The following NELFA variants were observed in gnomAD, a reference collection of about 807,000 sequenced individuals.
NELFA encodes the protein negative elongation factor complex member A.
Under a neutral mutation model 51.8 loss-of-function variants are expected in NELFA, and 35 were observed. The ratio of observed to expected loss-of-function variants is 0.68; its 90% CI spans 0.52 to 0.90. The LOEUF (loss-of-function observed/expected upper bound fraction) is 0.90. Ranked by LOEUF, NELFA falls within the 40% of genes least tolerant of loss-of-function variation. The pLI is 0.00. For missense variants in NELFA, 658 were observed against 746.4 expected (o/e 0.88, Z 1.38); for synonymous variants, 417 against 338.4 (o/e 1.23, Z -2.55).
intron 3 of NELFA, among the ~76,000 whole-genome samples, chr4:1,988,657 G>A (rs932173446): frequency 2.6e-5 from 4 of 152,266 alleles, no homozygotes; most frequent in African/African-American, 7.2e-5. Flanking sequence ...TGGAAACGGG[G>A]TATTGATGTA....
intron 1 of NELFA, chr4:2,008,019 G>A (rs1577634280): frequency 2.2e-6 from 1 of 456,890 alleles, no homozygotes; most frequent in African/African-American, 2.0e-5. Context: ...GAGTAAAACG[G>A]ACACAGAGCG....
intron 8 of NELFA, 126 bp from the exon 9 acceptor site, chr4:1,984,239 G>A: frequency 5.8e-6 from 7 of 1,212,538 alleles, no homozygotes; most frequent in South Asian, 1.7e-5. Flanking sequence ...AGAACTCCCT[G>A]TGGCCCCCAG....
At position 1,986,446 on chromosome 4, in the gene NELFA, AAACGTCCCCCACCCCGAGCTCAG is replaced by A. The variant is rs1297126627; in HGVS notation, c.635-67_635-45del. On this transcript the variant is annotated intron_variant, in intron 4 of 10. Coordinates refer to ENST00000382882, the MANE Select transcript of NELFA (RefSeq NM_005663.5). ...CAGGGCGCCAGCAGCAGTGACCGGC[AAACGTCCCCCACCCCGAGCTCAG>A]AACGTCCCACCCTCTTCTAGGCTAG... 5 of 1,600,202 alleles carry A rather than the reference AAACGTCCCCCACCCCGAGCTCAG, an allele frequency of 3.1e-6. No homozygotes were observed. In the East Asian group the frequency reaches 1.1e-4, roughly 36 times the overall value.
chr4:1,990,287 T>G (rs1464944052), intron 2 of NELFA: 2 of 415,348 alleles, frequency 4.8e-6, no homozygotes, highest in East Asian at 1.4e-4. Flanking sequence ...TGGTCTCTCC[T>G]GGAACCCTGG....
At position 1,985,773 on chromosome 4, in the gene NELFA, T is replaced by C; in HGVS notation, c.924+3A>G. The C allele has an allele frequency of 6.2e-7, 1 of 1,612,708 alleles. No individual in the cohort carries two copies. The highest frequency in any genetic ancestry group is 8.5e-7 in the Non-Finnish European group (1 of 1,179,498). Reference sequence around the variant, plus strand: ...AGACATGGGGTGCAGCCCCGAGCCCTACCTGCGTGGACACCAGGCCGGCTG... The same window carrying C: ...AGACATGGGGTGCAGCCCCGAGCCCCACCTGCGTGGACACCAGGCCGGCTG... On this transcript the variant is annotated splice_donor_region_variant and intron_variant, in intron 7 of 10. Coordinates refer to ENST00000382882, the MANE Select transcript of NELFA (RefSeq NM_005663.5).
At chr4:1,994,848 C>CAA (rs35875576) in intron 1 of NELFA, among the ~76,000 whole-genome samples, 8 of 81,838 alleles carry the variant, frequency 9.8e-5, no homozygotes, top group Admixed American at 1.2e-4. Flanking sequence ...GACTCCGTCT[C>CAA]AAAAAAAAAA....
chr4:1,997,156 C>T (rs1433711847), intron 1 of NELFA, among the ~76,000 whole-genome samples: 1 of 152,088 alleles, frequency 6.6e-6, no homozygotes, highest in African/African-American at 2.4e-5. Context: ...AAAATCAATA[C>T]TGAAAAATCC....
rs1025559077 is a variant in NELFA, at chr4:1,991,653, G to A, written c.273C>T (p.Leu91=). 1.2e-5 allele frequency: 19 copies of A among 1,613,766 alleles called. No homozygotes were observed. Among genetic ancestry groups the A allele is most frequent in the Non-Finnish European group, 1.6e-5 (19 of 1,179,966 alleles). ...LASLDSDPWV[L]MVADILKSFP... ...AGGACTTCAAGATGTCGGCGACCAT[G>A]AGCACCCAGGGGTCCGAGTCGAGGC... Residue 91 remains leucine, a synonymous_variant, in exon 2 of 11, where the codon CTC becomes CTT. Transcript: ENST00000382882.
intron 4 of NELFA, chr4:1,986,633 A>G: frequency 1.8e-6 from 1 of 547,754 alleles, no homozygotes; most frequent in Non-Finnish European, 3.2e-6. Context: ...GCGGCACCCC[A>G]GCCCAGCCAC....
At chr4:2,002,061 A>C (rs231197) in intron 1 of NELFA, among the ~76,000 whole-genome samples, 5 of 146,656 alleles carry the variant, frequency 3.4e-5, no homozygotes, top group South Asian at 4.5e-4. Context: ...TTAGCCAGGC[A>C]TGGTGGCGGG....
chr4:1,989,848 G>A lies in NELFA; in HGVS notation c.404C>T (p.Ala135Val). The A allele has an allele frequency of 6.2e-7, 1 of 1,614,028 alleles. No homozygotes were observed. The highest frequency in any genetic ancestry group is 8.5e-7 in the Non-Finnish European group (1 of 1,179,986). The change falls in exon 3 of 11, where the codon GCC (alanine) becomes GTC (valine). Residue 135 changes from alanine (A) to valine (V), a missense_variant. This residue lies in a region of NELFA where 371 missense variants were observed against 448.3 expected (regional missense o/e 0.83). Coordinates refer to ENST00000382882, the MANE Select transcript of NELFA (RefSeq NM_005663.5). The surrounding 1 kb of genome is among the most constrained non-coding windows in gnomAD (Gnocchi z 4.8). ...REKVGECEAS[A>V]MLPLECQYLN... ...GTACTGGCACTCCAGTGGCAGCATG[G>A]CAGACGCTTCACACTCACCCACTGC...
In NELFA at chr4:1,985,841, C is replaced by T. The variant is rs769758579; in HGVS notation, c.859G>A (p.Ala287Thr). 5.0e-6 allele frequency: 8 copies of T among 1,613,152 alleles called. No homozygotes were observed. The highest frequency in any genetic ancestry group is 2.2e-5 in the East Asian group (1 of 44,844). Residue 287 changes from alanine (A) to threonine (T), a missense_variant, in exon 7 of 11, where the codon GCC (alanine) becomes ACC (threonine). Coordinates refer to ENST00000382882, the MANE Select transcript of NELFA (RefSeq NM_005663.5). ...TLDAEVVEKPAKEETVVENAT... is the reference protein window; with the variant it reads ...TLDAEVVEKPTKEETVVENAT... ...TTCTCCACCACCGTTTCCTCCTTGG[C>T]CGGCTTCTCCACCACCTCCGCATCT...
At position 1,984,913 on chromosome 4, in the gene NELFA, C is replaced by G; in HGVS notation, c.931G>C (p.Gly311Arg). 1 of 1,570,684 alleles carries G rather than the reference C, an allele frequency of 6.4e-7. No homozygotes were observed. The highest frequency in any genetic ancestry group is 8.6e-7 in the Non-Finnish European group (1 of 1,156,860). The change falls in exon 8 of 11, where the codon GGG becomes CGG. Residue 311 changes from glycine to arginine, a missense_variant. Around this residue, in one of 3 missense-constraint regions of NELFA, gnomAD observed 371 missense variants for 448.3 expected, o/e 0.83. Transcript: ENST00000382882. The stretch of plus-strand genomic sequence containing the variant: ...AGCGCAGGCTCATTGTTCAGGGACC[C>G]AAGTTTCTGGAACACAGAGTTTAAG... ...AAGLVSTQKL[G>R]SLNNEPALPS...
At chr4:2,004,307 A>G (rs1050690815) in intron 1 of NELFA, among the ~76,000 whole-genome samples, 2 of 152,300 alleles carry the variant, frequency 1.3e-5, no homozygotes, top group Non-Finnish European at 2.9e-5. Flanking sequence ...ATTACTAGTC[A>G]CCTAGGAGTG....
intron 1 of NELFA, 91 bp downstream of exon 1, chr4:2,008,659 G>GA: frequency 6.9e-7 from 1 of 1,445,738 alleles, no homozygotes; most frequent in Admixed American, 2.1e-5. Context: ...AAGGTTGGGG[G>GA]AGGGAGCGAG....
chr4:1,991,806 G>T (rs2109059943), intron 1 of NELFA, 91 bp from the exon 2 acceptor site: 17 of 1,355,904 alleles, frequency 1.3e-5, no homozygotes, highest in East Asian at 7.2e-5. Flanking sequence ...CTGGGCAGTG[G>T]CCGGGCTCTC....
At chr4:1,996,716 G>A (rs1329265820) in intron 1 of NELFA, among the ~76,000 whole-genome samples, 1 of 152,210 alleles carries the variant, frequency 6.6e-6, no homozygotes, top group Non-Finnish European at 1.5e-5. Context: ...TGGATCACTT[G>A]AGGTCAGGAG....
In NELFA at chr4:1,983,103, T is replaced by TA. The variant is rs1483432987; in HGVS notation, c.*215dup. 1.1e-5 allele frequency: 5 copies of TA among 467,346 alleles called. No individual in the cohort carries two copies. Among genetic ancestry groups the TA allele is most frequent in the Admixed American group, 7.8e-5 (2 of 25,740 alleles). 28.9% of individuals were successfully genotyped at this position (467,346 alleles called of 1,614,324 possible). A position where few individuals can be genotyped will look rare whatever the true frequency, so the allele number is the denominator to read the frequency against. ...GTAACGTTGAGTCCAAAAAGTGTCT[T>TA]AAATCACACAAAAAAGAACCCATAT... On this transcript the variant is annotated 3_prime_UTR_variant, in exon 11 of 11. Transcript: ENST00000382882.
chr4:1,986,822 C>T (rs751591195), intron 4 of NELFA, among the ~76,000 whole-genome samples: 1 of 152,184 alleles, frequency 6.6e-6, no homozygotes, highest in Non-Finnish European at 1.5e-5. Context: ...TACCCACCAG[C>T]GCCCACACGC....
Sources: allele counts gnomAD v4.1 joint callset (sites outside exome capture counted in the v4.1 genomes callset), GRCh38; gene constraint gnomAD v4.1.1; regional missense constraint gnomAD v4.1.1; non-coding constraint Gnocchi (gnomAD v3.1); transcripts MANE v1.5; gene names NCBI Gene and HGNC (gene_info 2026-07-23, HGNC 2026-07-21).